SHISA9: variants seen among roughly 807,000 people sequenced by gnomAD.
SHISA9 encodes shisa family member 9.
Under a neutral mutation model 38.0 loss-of-function variants are expected in SHISA9, and 13 were observed. The observed-to-expected ratio is 0.34, with a 90% CI of 0.22 to 0.54. The LOEUF is 0.54. SHISA9 is among the 20% of genes least tolerant of loss of function. SHISA9 has a pLI of 0.91. For synonymous variants in SHISA9, 275 were observed against 242.0 expected, an observed-to-expected ratio of 1.14 and a Z score of -1.27; for missense variants, 538 against 575.8, an observed-to-expected ratio of 0.93 and a Z score of 0.67.
the SHISA9 span, among the ~76,000 whole-genome samples, chr16:13,414,749 A>G: frequency 6.8e-6 from 1 of 147,870 alleles, no homozygotes; most frequent in African/African-American, 2.5e-5. Context: ...GGTTCAAGCG[A>G]TTCTCCCTAG....
chr16:13,525,029 T>TC, the SHISA9 span, among the ~76,000 whole-genome samples: 2 of 152,150 alleles, frequency 1.3e-5, no homozygotes, highest in Non-Finnish European at 2.9e-5. Context: ...CACAATATAG[T>TC]TCTCAAACTA....
the SHISA9 span, among the ~76,000 whole-genome samples, chr16:13,512,473 T>C: frequency 1.3e-5 from 2 of 152,094 alleles, no homozygotes; most frequent in Admixed American, 6.6e-5. Context: ...CAGACTACCA[T>C]TGACATTCTT....
At chr16:12,928,314 T>TTTTGTGTG (rs1555501020) in intron 2 of SHISA9, among the ~76,000 whole-genome samples, 4 of 150,934 alleles carry the variant, frequency 2.7e-5, no homozygotes, top group Non-Finnish European at 5.9e-5. Context: ...CAGAGGTTGG[T>TTTTGTGTG]TGTGTGTGTG....
intron 2 of SHISA9, among the ~76,000 whole-genome samples, chr16:13,019,968 T>TTTCCTTCGTTCC (rs1555455228): frequency 2.3e-5 from 1 of 43,196 alleles, no homozygotes; most frequent in African/African-American, 8.9e-5. Context: ...TCCCTCCTTC[T>TTTCCTTCGTTCC]TTCCTTCCTT....
At chr16:12,938,783 G>T (rs746734255) in intron 2 of SHISA9, among the ~76,000 whole-genome samples, 1 of 152,062 alleles carries the variant, frequency 6.6e-6, no homozygotes, top group South Asian at 2.1e-4. Context: ...AATTACAGGC[G>T]TGAGCCATTC....
the SHISA9 span, among the ~76,000 whole-genome samples, chr16:13,431,180 C>G: frequency 6.6e-6 from 1 of 152,206 alleles, no homozygotes; most frequent in East Asian, 1.9e-4. Flanking sequence ...TTGACCTCCC[C>G]TCATCCCACA....
At chr16:13,158,715 A>G (rs1369440850) in intron 2 of SHISA9, among the ~76,000 whole-genome samples, 1 of 152,136 alleles carries the variant, frequency 6.6e-6, no homozygotes, top group Non-Finnish European at 1.5e-5. Context: ...AAGGCCCATA[A>G]GATGGGGAGC....
chr16:13,389,853 G>A, the SHISA9 span, among the ~76,000 whole-genome samples: 14 of 152,208 alleles, frequency 9.2e-5, no homozygotes, highest in African/African-American at 3.1e-4. Context: ...AATCACTGAG[G>A]AATTCCTTCT....
chr16:13,188,061 G>T (rs2050845525), intron 2 of SHISA9, among the ~76,000 whole-genome samples: 2 of 152,200 alleles, frequency 1.3e-5, no homozygotes, highest in East Asian at 3.9e-4. Flanking sequence ...GAAAAGCTGA[G>T]CCTCATTTTT....
At chr16:13,015,045 C>T (rs893961189) in intron 2 of SHISA9, among the ~76,000 whole-genome samples, 2 of 152,240 alleles carry the variant, frequency 1.3e-5, no homozygotes, top group African/African-American at 4.8e-5. Context: ...TTGCTCTCCA[C>T]ATCATCAAAG....
chr16:13,099,399 G>A (rs1483026833), intron 2 of SHISA9, among the ~76,000 whole-genome samples: 2 of 152,178 alleles, frequency 1.3e-5, no homozygotes, highest in Non-Finnish European at 2.9e-5. Context: ...AAGCACAAGG[G>A]AGAATAATAA....
At chr16:13,442,989 C>T in the SHISA9 span, among the ~76,000 whole-genome samples, 77 of 152,308 alleles carry the variant, frequency 5.1e-4, no homozygotes, top group African/African-American at 1.7e-3. Flanking sequence ...TTCCTACTCT[C>T]CTTTAGTTTG....
the SHISA9 span, among the ~76,000 whole-genome samples, chr16:13,523,295 A>T: frequency 6.6e-6 from 1 of 152,188 alleles, no homozygotes; most frequent in Non-Finnish European, 1.5e-5. Flanking sequence ...CGTTGCAGTG[A>T]GCCGAGATCC....
At chr16:13,246,421 A>C in the SHISA9 span, 1 of 152,136 alleles carries the variant, frequency 6.6e-6, no homozygotes, top group Non-Finnish European at 1.5e-5. Context: ...TTTCTTTATA[A>C]ATTTCCTAGT....
At chr16:13,373,865 C>T in the SHISA9 span, among the ~76,000 whole-genome samples, 1 of 152,118 alleles carries the variant, frequency 6.6e-6, no homozygotes, top group Non-Finnish European at 1.5e-5. Flanking sequence ...CACAGAGGCC[C>T]ACACAGAATA....
chr16:13,386,033 C>T, the SHISA9 span, among the ~76,000 whole-genome samples: 1 of 152,104 alleles, frequency 6.6e-6, no homozygotes, highest in African/African-American at 2.4e-5. Context: ...CATAAGGAAT[C>T]CTGTGGCAAT....
chr16:12,934,187 T>C (rs2071497948), intron 2 of SHISA9, among the ~76,000 whole-genome samples: 1 of 152,210 alleles, frequency 6.6e-6, no homozygotes, highest in Admixed American at 6.5e-5. Flanking sequence ...GGAAATGCTA[T>C]TCAGAAAAAG....
chr16:13,232,563 C>T (rs2051342019), intron 4 of SHISA9, among the ~76,000 whole-genome samples: 1 of 152,122 alleles, frequency 6.6e-6, no homozygotes, highest in African/African-American at 2.4e-5. Context: ...CTCAGGAGTC[C>T]TGAGAACATG....
chr16:12,973,950 G>A (rs901741766), intron 2 of SHISA9, among the ~76,000 whole-genome samples: 4 of 152,204 alleles, frequency 2.6e-5, no homozygotes, highest in Non-Finnish European at 5.9e-5. Context: ...TGGCATAAAA[G>A]TATGCTTGCT....
Sources: gnomAD v4.1 joint callset for allele counts (sites outside exome capture counted in the v4.1 genomes callset) on GRCh38, gnomAD v4.1.1 for gene constraint, MANE v1.5 for transcripts, NCBI Gene and HGNC (gene_info 2026-07-23, HGNC 2026-07-21) for gene names.